Variants in MYZAP observed in about 807,000 individuals in gnomAD.
The protein encoded by MYZAP is myocardial zonula adherens protein.
Under a neutral mutation model 69.4 loss-of-function variants are expected in MYZAP, and 66 were observed. The ratio of observed to expected loss-of-function variants is 0.95; its 90% CI spans 0.78 to 1.17. The LOEUF is 1.17. Ranked by LOEUF, MYZAP falls within the 50% of genes most tolerant of loss-of-function variation. MYZAP has a pLI of 0.00. For synonymous variants in MYZAP, 256 were observed against 205.9 expected, an observed-to-expected ratio of 1.24 and a Z score of -2.09; for missense variants, 611 against 556.2, an observed-to-expected ratio of 1.10 and a Z score of -0.99.
At chr15:57,648,455 G>A in intron 10 of MYZAP, 1 of 985,376 alleles carries the variant, frequency 1.0e-6, no homozygotes, top group Non-Finnish European at 1.2e-6. Context: ...AGTCACGAAT[G>A]CTTCTCTCAT....
intron 11 of MYZAP, among the ~76,000 whole-genome samples, chr15:57,674,348 T>C (rs2039014690): frequency 6.6e-6 from 1 of 152,246 alleles, no homozygotes; most frequent in East Asian, 1.9e-4. Flanking sequence ...AAAAAAAACT[T>C]TTCAGAATGT....
intron 6 of MYZAP, among the ~76,000 whole-genome samples, 190 bp downstream of exon 6, chr15:57,630,044 C>A (rs1473956125): frequency 2.1e-5 from 3 of 143,472 alleles, no homozygotes; most frequent in African/African-American, 7.9e-5. Context: ...TCATGGCTCA[C>A]TGCAACCTCC....
At chr15:57,642,265 T>A (rs1595900965) in intron 10 of MYZAP, among the ~76,000 whole-genome samples, 1 of 152,364 alleles carries the variant, frequency 6.6e-6, no homozygotes, top group African/African-American at 2.4e-5. Flanking sequence ...AATTCTCTAT[T>A]GTTTACTATG....
chr15:57,635,033 G>A (rs865844802), intron 8 of MYZAP, among the ~76,000 whole-genome samples: 2 of 152,174 alleles, frequency 1.3e-5, no homozygotes. Flanking sequence ...GAAGCAAGGT[G>A]AGCCGGCAGC....
At chr15:57,610,481 C>G (rs1157218134) in intron 2 of MYZAP, among the ~76,000 whole-genome samples, 7 of 152,158 alleles carry the variant, frequency 4.6e-5, no homozygotes, top group African/African-American at 1.7e-4. Context: ...ACCAGGGACT[C>G]TGCGTGCCCC....
intron 3 of MYZAP, among the ~76,000 whole-genome samples, chr15:57,619,286 T>C (rs1433541726): frequency 6.6e-6 from 1 of 152,218 alleles, no homozygotes; most frequent in Non-Finnish European, 1.5e-5. Context: ...ATATACATAA[T>C]GTATATGACA....
chr15:57,600,954 T>C (rs1425069966), intron 1 of MYZAP, among the ~76,000 whole-genome samples: 1 of 152,128 alleles, frequency 6.6e-6, no homozygotes, highest in Non-Finnish European at 1.5e-5. Flanking sequence ...GATGCATGCC[T>C]GTGGTCCCAG....
chr15:57,620,729 A>G (rs991850967), intron 3 of MYZAP, among the ~76,000 whole-genome samples: 1 of 152,126 alleles, frequency 6.6e-6, no homozygotes. Context: ...CATTCCAGAT[A>G]TTTGATTGCT....
In MYZAP at chr15:57,632,429, T is replaced by A. The variant is rs1270610662; in HGVS notation, c.679-5T>A. ...GCTGTCGTTCTGAAATGAGTCTCGT[T>A]GTAGGTGGAATCGTCCCAAGAAGCC... On this transcript the variant is annotated splice_polypyrimidine_tract_variant and splice_region_variant and intron_variant, in intron 6 of 12. Transcript: ENST00000267853. 1 of 1,614,030 alleles carries A rather than the reference T, an allele frequency of 6.2e-7. No individual in the cohort carries two copies. The highest frequency in any genetic ancestry group is 8.5e-7 in the Non-Finnish European group (1 of 1,179,974).
chr15:57,663,520 C>T (rs559486390), intron 11 of MYZAP, among the ~76,000 whole-genome samples: 28 of 152,292 alleles, frequency 1.8e-4, no homozygotes, highest in Admixed American at 2.6e-4. Context: ...GAGGCTCACT[C>T]CTGCTGGGGA....
At chr15:57,607,677 C>A (rs543853196) in intron 2 of MYZAP, among the ~76,000 whole-genome samples, 2 of 152,154 alleles carry the variant, frequency 1.3e-5, no homozygotes, top group Admixed American at 1.3e-4. Flanking sequence ...GTGGACCAGG[C>A]GTGCAGTCTA....
At chr15:57,652,817 G>A (rs1445131069) in intron 10 of MYZAP, among the ~76,000 whole-genome samples, 1 of 152,128 alleles carries the variant, frequency 6.6e-6, no homozygotes, top group Non-Finnish European at 1.5e-5. Flanking sequence ...CAATAATGGG[G>A]ATCTTCAAAG....
intron 11 of MYZAP, among the ~76,000 whole-genome samples, chr15:57,672,883 T>G (rs117678581): frequency 1.2e-3 from 181 of 152,282 alleles, no homozygotes; most frequent in Middle Eastern, 3.4e-3. Context: ...GAGTTCCCTC[T>G]TAATATTCTG....
chr15:57,600,032 C>T lies in MYZAP; in HGVS notation c.76-4237C>T, dbSNP rs184183416. 3.9e-3 allele frequency among the ~76,000 whole-genome samples: 600 copies of T among 152,306 alleles called. 4 individuals are homozygous for T. The highest frequency in any genetic ancestry group is 0.014 in the African/African-American group (570 of 41,558). On this transcript the variant is annotated intron_variant, in intron 1 of 12. Coordinates refer to ENST00000267853, the MANE Select transcript of MYZAP (RefSeq NM_001018100.5). ...CATATCTTAACATCGTTGCCACCAA[C>T]ACAGAAATCTGTTTCCTTAAGAATA...
intron 12 of MYZAP, among the ~76,000 whole-genome samples, chr15:57,679,001 A>G (rs901693180): frequency 2.0e-5 from 3 of 151,964 alleles, no homozygotes; most frequent in East Asian, 3.9e-4. Context: ...ACATGGAGAA[A>G]CCCCGTCTCT....
chr15:57,653,061 A>G (rs561823638), intron 10 of MYZAP, among the ~76,000 whole-genome samples: 5 of 152,296 alleles, frequency 3.3e-5, no homozygotes, highest in African/African-American at 1.2e-4. Flanking sequence ...CAGAATGTCT[A>G]TAAATGAGGG....
intron 12 of MYZAP, among the ~76,000 whole-genome samples, chr15:57,678,958 C>G (rs1172709746): frequency 6.6e-6 from 1 of 151,980 alleles, no homozygotes; most frequent in East Asian, 1.9e-4. Context: ...GGGCGGATCA[C>G]CTGAGGTTGG....
At chr15:57,595,822 A>C (rs1303283182) in intron 1 of MYZAP, among the ~76,000 whole-genome samples, 2 of 152,052 alleles carry the variant, frequency 1.3e-5, no homozygotes, top group Non-Finnish European at 2.9e-5. Flanking sequence ...CCTTGCTGAT[A>C]TTTCTTTCTA....
intron 2 of MYZAP, among the ~76,000 whole-genome samples, chr15:57,615,283 A>G (rs1326676676): frequency 1.3e-5 from 2 of 152,202 alleles, no homozygotes; most frequent in Admixed American, 6.5e-5. Flanking sequence ...ACATACACAA[A>G]CACACAGTCT....
Sources: allele counts gnomAD v4.1 joint callset (sites outside exome capture counted in the v4.1 genomes callset), GRCh38; gene constraint gnomAD v4.1.1; transcripts MANE v1.5; gene names NCBI Gene and HGNC (gene_info 2026-07-23, HGNC 2026-07-21).